The following RNF157 variants were observed in gnomAD, a reference collection of about 807,000 sequenced individuals.
RNF157 encodes the protein E3 ubiquitin ligase RNF157.
A neutral mutation model predicts 88.3 loss-of-function variants in RNF157; 55 were observed. The observed-to-expected ratio is 0.62, with a 90% CI of 0.50 to 0.78. The LOEUF (loss-of-function observed/expected upper bound fraction) is 0.78. Ranked by LOEUF, RNF157 falls within the 30% of genes least tolerant of loss-of-function variation. The pLI is 0.00. For synonymous variants in RNF157, 334 were observed against 341.2 expected (o/e 0.98, Z 0.23); for missense variants, 788 against 860.8 (o/e 0.92, Z 1.06).
Position 76,145,489 on chromosome 17 carries a change from C to A in RNF157, c.1922-136G>T, listed in dbSNP as rs541308339. ...CCTGAGACTCCGATGACGGTGCGAG[C>A]CACAGCACTCGTGTGTGAGAACGGA... On this transcript the variant is annotated intron_variant, in intron 18 of 18. Coordinates refer to ENST00000269391, the MANE Select transcript of RNF157 (RefSeq NM_052916.3). The A allele has an allele frequency of 6.6e-4, 415 of 625,670 alleles. 4 individuals carry two copies. In the Admixed American group the frequency reaches 0.01, roughly 16 times the overall value. 38.8% of individuals were successfully genotyped at this position (625,670 alleles called of 1,614,324 possible).
At chr17:76,226,542 T>C (rs2070089493) in intron 1 of RNF157, 2 of 1,613,634 alleles carry the variant, frequency 1.2e-6, no homozygotes, top group Non-Finnish European at 1.7e-6. Flanking sequence ...TTCAAATCCA[T>C]TTTCTCCAAC....
At chr17:76,167,543 G>A in intron 4 of RNF157, 108 bp downstream of exon 4, 1 of 1,493,262 alleles carries the variant, frequency 6.7e-7, no homozygotes, top group Non-Finnish European at 9.1e-7. Context: ...TGGGAAGGAA[G>A]TGGCTCGCCT....
intron 2 of RNF157, among the ~76,000 whole-genome samples, chr17:76,201,826 A>G (rs1383741200): frequency 6.6e-6 from 1 of 152,088 alleles, no homozygotes; most frequent in Non-Finnish European, 1.5e-5. Flanking sequence ...GCACATTATA[A>G]TTTATTTAAC....
chr17:76,209,494 C>CT, intron 2 of RNF157, among the ~76,000 whole-genome samples: 1 of 137,718 alleles, frequency 7.3e-6, no homozygotes, highest in Middle Eastern at 3.5e-3. Context: ...TTTTTTTTTT[C>CT]TTTTTTAGCT....
rs367790370 is a variant in RNF157 at position 76,154,780 on chromosome 17, G to C, written c.1765-452C>G. On this transcript the variant is annotated intron_variant, in intron 16 of 18. Coordinates refer to ENST00000269391, the MANE Select transcript of RNF157 (RefSeq NM_052916.3). Reference sequence around the variant, plus strand: ...GAGCTGGCGTTCCACAGCACACCATGGTCAGGGCACGTCTCACACTGAACT... The same window carrying C: ...GAGCTGGCGTTCCACAGCACACCATCGTCAGGGCACGTCTCACACTGAACT... The C allele has an allele frequency of 9.6e-4, 222 of 231,322 alleles. 4 individuals are homozygous for C. In the South Asian group the frequency reaches 0.015, roughly 15 times the overall value. The allele number at this position is 231,322 out of a possible 1,614,324, so 14.3% of individuals were successfully genotyped here. A position where few individuals can be genotyped will look rare whatever the true frequency, so the allele number is the denominator to read the frequency against.
intron 17 of RNF157, chr17:76,153,909 T>C (rs1472116644): frequency 5.0e-5 from 10 of 198,902 alleles, no homozygotes; most frequent in Non-Finnish European, 1.0e-4. Flanking sequence ...AAATGGCTAC[T>C]GCTATTCAAC....
At chr17:76,217,494 G>A (rs2069909120) in intron 1 of RNF157, among the ~76,000 whole-genome samples, 1 of 151,964 alleles carries the variant, frequency 6.6e-6, no homozygotes, top group African/African-American at 2.4e-5. Flanking sequence ...TCTTTCTAGA[G>A]GGACAAATTG....
chr17:76,156,138 G>A (rs993776636), intron 14 of RNF157, 72 bp downstream of exon 14: 84 of 1,209,912 alleles, frequency 6.9e-5, no homozygotes, highest in Middle Eastern at 6.3e-4. Flanking sequence ...GTCCCTTCCC[G>A]GAAGAAGCAC....
At chr17:76,152,275 G>T in intron 18 of RNF157, 80 bp downstream of exon 18, 1 of 907,126 alleles carries the variant, frequency 1.1e-6, no homozygotes, top group Non-Finnish European at 1.8e-6. Flanking sequence ...GGCAGGAGAT[G>T]GGTGTACCAG....
intron 1 of RNF157, among the ~76,000 whole-genome samples, chr17:76,223,020 A>G (rs2070013520): frequency 6.6e-6 from 1 of 151,888 alleles, no homozygotes; most frequent in South Asian, 2.1e-4. Flanking sequence ...CCTTCCGAGT[A>G]GCTGGGACTA....
At chr17:76,209,885 GA>G (rs1253646974) in intron 2 of RNF157, among the ~76,000 whole-genome samples, 4 of 152,132 alleles carry the variant, frequency 2.6e-5, no homozygotes, top group Admixed American at 2.0e-4. Flanking sequence ...TCAGCCTCCT[GA>G]GTAGCTGGGA....
chr17:76,222,951 C>T (rs1368367176), intron 1 of RNF157, among the ~76,000 whole-genome samples: 2 of 151,190 alleles, frequency 1.3e-5, no homozygotes, highest in African/African-American at 2.4e-5. Context: ...AGTGCAGAGG[C>T]CCGATCCTGG....
rs73360619 is a variant in RNF157, at chr17:76,195,613, A to C, written c.207+16751T>G. ...CTATGTGTAATAGCCAAAATGCCCC[A>C]AAAAAGCTCAATGCCTGCAAACAAT... On this transcript the variant is annotated intron_variant, in intron 2 of 18. Transcript: ENST00000269391. The surrounding 1 kb of genome is among the most constrained non-coding windows in gnomAD (Gnocchi z 4.4). 0.035 allele frequency among the ~76,000 whole-genome samples: 5,375 copies of C among 152,296 alleles called. 292 individuals carry two copies. The highest frequency in any genetic ancestry group is 0.12 in the African/African-American group (4,948 of 41,542).
Position 76,146,990 on chromosome 17 carries a change from G to A in RNF157, c.1922-1637C>T. The A allele has an allele frequency of 1.0e-6, 1 of 985,416 alleles. No homozygotes were observed. Among genetic ancestry groups the A allele is most frequent in the Non-Finnish European group, 1.2e-6 (1 of 829,926 alleles). 61.0% of individuals were successfully genotyped at this position (985,416 alleles called of 1,614,324 possible). A position where few individuals can be genotyped will look rare whatever the true frequency, so the allele number is the denominator to read the frequency against. On this transcript the variant is annotated intron_variant, in intron 18 of 18. Coordinates refer to ENST00000269391, the MANE Select transcript of RNF157 (RefSeq NM_052916.3). The surrounding 1 kb of genome is among the most constrained non-coding windows in gnomAD (Gnocchi z 4.2). ...GTGTGCTAATCCACCTCAGGCTCTA[G>A]TAACAGTCTCTGGTGCTTGACCCCA...
intron 8 of RNF157, 22 bp downstream of exon 8, chr17:76,164,726 T>A: frequency 6.6e-7 from 1 of 1,514,724 alleles, no homozygotes; most frequent in Non-Finnish European, 9.2e-7. Flanking sequence ...ATACTAACAG[T>A]CTGTGGTCTT....
chr17:76,144,852 C>G lies in RNF157; in HGVS notation c.*383G>C, dbSNP rs1049829384. ...CCAATTGGTTATGATGTGCCAGAGA[C>G]CAGGAAATGCCAGAGGGATGTTTGT... is the stretch of plus-strand genomic sequence containing the variant. On this transcript the variant is annotated 3_prime_UTR_variant, in exon 19 of 19. Transcript: ENST00000269391. 2 of 174,674 alleles carry G rather than the reference C, an allele frequency of 1.1e-5. No individual in the cohort carries two copies. The highest frequency in any genetic ancestry group is 4.7e-5 in the African/African-American group (2 of 42,268). The allele number at this position is 174,674 out of a possible 1,614,324, so 10.8% of individuals were successfully genotyped here. A position where few individuals can be genotyped will look rare whatever the true frequency, so the allele number is the denominator to read the frequency against.
In RNF157 at chr17:76,240,170, C is replaced by T. The variant is rs749642516; in HGVS notation, c.71G>A (p.Arg24His). ...EVDIPSNSVY[R>H]YPPKSGSYFA... ...GCCCTCACCGGACTTGGGCGGGTAG[C>T]GGTACACGGAATTAGACGGGATGTC... The change falls in exon 1 of 19, where the codon CGC becomes CAC. Residue 24 changes from arginine (R) to histidine (H), a missense_variant. Arg to His is a conservative substitution (Grantham distance 29). Transcript: ENST00000269391. The surrounding 1 kb of genome is among the most constrained non-coding windows in gnomAD (Gnocchi z 4.4). The T allele has an allele frequency of 4.3e-6, 6 of 1,380,852 alleles. No homozygotes were observed. The highest frequency in any genetic ancestry group is 2.8e-5 in the East Asian group (1 of 35,578). 85.5% of individuals were successfully genotyped at this position (1,380,852 alleles called of 1,614,324 possible).
intron 1 of RNF157, among the ~76,000 whole-genome samples, chr17:76,231,050 T>G (rs568738119): frequency 1.7e-4 from 26 of 151,954 alleles, no homozygotes; most frequent in African/African-American, 6.0e-4. Flanking sequence ...GCGATCCTCT[T>G]GTTTGTGCCT....
At chr17:76,226,579 C>T (rs2070090357) in intron 1 of RNF157, 4 of 1,613,658 alleles carry the variant, frequency 2.5e-6, no homozygotes, top group Non-Finnish European at 3.4e-6. Context: ...AGAAGGCATC[C>T]TCCTTGCTGT....
Sources: allele counts gnomAD v4.1 joint callset (sites outside exome capture counted in the v4.1 genomes callset), GRCh38; gene constraint gnomAD v4.1.1; non-coding constraint Gnocchi (gnomAD v3.1); transcripts MANE v1.5; gene names NCBI Gene and HGNC (gene_info 2026-07-23, HGNC 2026-07-21).